Variants in NAALADL2 observed in about 807,000 individuals in gnomAD.
NAALADL2 encodes the protein N-acetylated alpha-linked acidic dipeptidase like 2, also known as inactive N-acetylated-alpha-linked acidic dipeptidase-like protein 2.
Under a neutral mutation model 87.2 loss-of-function variants are expected in NAALADL2, and 76 were observed. The ratio of observed to expected loss-of-function variants is 0.87; its 90% CI spans 0.72 to 1.05. NAALADL2 has a LOEUF of 1.05. Ranked by LOEUF, NAALADL2 falls within the 50% of genes least tolerant of loss-of-function variation. The probability of loss-of-function intolerance (pLI) is 0.00; values close to 1 mark genes in which losing one functional copy is unlikely to be tolerated. For synonymous variants in NAALADL2, 354 were observed against 331.0 expected, an observed-to-expected ratio of 1.07 and a Z score of -0.75; for missense variants, 1,089 against 945.8, an observed-to-expected ratio of 1.15 and a Z score of -1.99.
intron 2 of NAALADL2, among the ~76,000 whole-genome samples, chr3:174,661,061 TG>T (rs1468139058): frequency 3.3e-5 from 5 of 152,006 alleles, no homozygotes; most frequent in African/African-American, 1.2e-4. Context: ...GCCTTACTCT[TG>T]ATTAAAATGC....
chr3:175,080,111 G>A (rs995849730), intron 1 of NAALADL2, among the ~76,000 whole-genome samples: 1 of 151,960 alleles, frequency 6.6e-6, no homozygotes, highest in African/African-American at 2.4e-5. Context: ...GACTACAGGC[G>A]CCCGCCACGG....
At chr3:175,435,235 C>A (rs1240252288) in intron 5 of NAALADL2, among the ~76,000 whole-genome samples, 3 of 151,906 alleles carry the variant, frequency 2.0e-5, no homozygotes, top group Non-Finnish European at 4.4e-5. Context: ...GTTCAGGTTA[C>A]AAAATGTCTT....
intron 10 of NAALADL2, among the ~76,000 whole-genome samples, chr3:175,591,757 A>C (rs1721480575): frequency 1.4e-5 from 2 of 146,802 alleles, no homozygotes; most frequent in Non-Finnish European, 1.5e-5. Flanking sequence ...ATATTTATAT[A>C]TGCGCATGTG....
chr3:174,594,907 T>G (rs1409356673), intron 2 of NAALADL2, among the ~76,000 whole-genome samples: 1 of 152,240 alleles, frequency 6.6e-6, no homozygotes, highest in Admixed American at 6.5e-5. Flanking sequence ...TTGTAGGTGG[T>G]TAACACAGAT....
chr3:175,629,233 T>G (rs1463747828), intron 11 of NAALADL2, among the ~76,000 whole-genome samples: 3 of 148,682 alleles, frequency 2.0e-5, no homozygotes, highest in African/African-American at 4.9e-5. Context: ...TCATATATAT[T>G]CATAAACATA....
At chr3:175,176,381 A>G (rs1735690948) in intron 2 of NAALADL2, among the ~76,000 whole-genome samples, 1 of 152,116 alleles carries the variant, frequency 6.6e-6, no homozygotes. Flanking sequence ...TCAAGATGAT[A>G]TATTTTAGGC....
At chr3:175,546,367 T>C (rs199713242) in intron 9 of NAALADL2, among the ~76,000 whole-genome samples, 9 of 152,134 alleles carry the variant, frequency 5.9e-5, no homozygotes, top group Admixed American at 6.6e-5. Context: ...TGTCTTTTAA[T>C]TGGGGCATGT....
At chr3:174,588,170 T>C (rs1291915319) in intron 2 of NAALADL2, among the ~76,000 whole-genome samples, 1 of 152,232 alleles carries the variant, frequency 6.6e-6, no homozygotes, top group East Asian at 1.9e-4. Flanking sequence ...TATCAGATAC[T>C]GAAGCTTATG....
At chr3:174,866,993 TACTA>T (rs774872435) in intron 1 of NAALADL2, among the ~76,000 whole-genome samples, 2 of 151,802 alleles carry the variant, frequency 1.3e-5, no homozygotes, top group Non-Finnish European at 3.0e-5. Flanking sequence ...ATAAAATACT[TACTA>T]ATTACTAAAT....
chr3:174,979,034 G>A (rs1744746278), intron 1 of NAALADL2, among the ~76,000 whole-genome samples: 1 of 152,004 alleles, frequency 6.6e-6, no homozygotes, highest in Non-Finnish European at 1.5e-5. Context: ...AGTGATTATT[G>A]TCTCTCAGAA....
intron 4 of NAALADL2, among the ~76,000 whole-genome samples, chr3:175,278,453 C>A (rs919139692): frequency 6.6e-6 from 1 of 152,062 alleles, no homozygotes; most frequent in South Asian, 2.1e-4. Context: ...ATTTGAAGTT[C>A]AAAAGAACAA....
intron 2 of NAALADL2, among the ~76,000 whole-genome samples, chr3:175,195,645 G>A (rs970781155): frequency 9.2e-5 from 14 of 151,846 alleles, no homozygotes; most frequent in Admixed American, 2.0e-4. Context: ...GAAGCAGATC[G>A]TATATGCATT....
intron 5 of NAALADL2, among the ~76,000 whole-genome samples, chr3:175,379,177 G>C (rs1192709653): frequency 7.2e-6 from 1 of 139,540 alleles, no homozygotes; most frequent in Non-Finnish European, 1.5e-5. Context: ...TACTTAACCT[G>C]TTTCTTCCTC....
chr3:174,688,976 C>A (rs1172438926), intron 2 of NAALADL2, among the ~76,000 whole-genome samples: 2 of 151,070 alleles, frequency 1.3e-5, no homozygotes, highest in Non-Finnish European at 1.5e-5. Flanking sequence ...TCAGAATCTT[C>A]ATCTGTAAAT....
intron 2 of NAALADL2, among the ~76,000 whole-genome samples, chr3:174,653,274 C>T (rs1397630662): frequency 6.6e-6 from 1 of 152,110 alleles, no homozygotes; most frequent in Non-Finnish European, 1.5e-5. Flanking sequence ...AATGTCCATC[C>T]ACAGTAGAAT....
chr3:175,717,803 ATTTTTTTTT>A (rs10575051), intron 11 of NAALADL2, among the ~76,000 whole-genome samples: 1 of 117,906 alleles, frequency 8.5e-6, no homozygotes, highest in African/African-American at 3.8e-5. Context: ...AAGAGAGCAG[ATTTTTTTTT>A]TTTTTTTTTT....
At chr3:175,598,918 A>G (rs999200406) in intron 10 of NAALADL2, among the ~76,000 whole-genome samples, 1 of 152,162 alleles carries the variant, frequency 6.6e-6, no homozygotes, top group Non-Finnish European at 1.5e-5. Context: ...GCGCACTGAC[A>G]TTGTTAAGGT....
At chr3:174,532,258 C>T (rs1357841697) in intron 1 of NAALADL2, among the ~76,000 whole-genome samples, 1 of 152,104 alleles carries the variant, frequency 6.6e-6, no homozygotes, top group Non-Finnish European at 1.5e-5. Context: ...ACATGAGCAC[C>T]TGTAACTATT....
intron 11 of NAALADL2, 80 bp from the exon 12 acceptor site, chr3:175,737,226 A>T: frequency 1.2e-6 from 1 of 831,830 alleles, no homozygotes; most frequent in Non-Finnish European, 2.0e-6. Context: ...GTATAAAAAT[A>T]TCTGAAATAA....
Sources: allele counts gnomAD v4.1 joint callset (sites outside exome capture counted in the v4.1 genomes callset), GRCh38; gene constraint gnomAD v4.1.1; transcripts MANE v1.5; gene names NCBI Gene and HGNC (gene_info 2026-07-23, HGNC 2026-07-21).